FAF1: variants seen among roughly 807,000 people sequenced by gnomAD.
FAF1 encodes Fas associated factor 1, also known as FAS-associated factor 1.
In FAF1, 25 loss-of-function variants were observed where a neutral mutation model predicts 92.5. The observed-to-expected ratio is 0.27, with a 90% CI of 0.20 to 0.38. The LOEUF (loss-of-function observed/expected upper bound fraction) is 0.38. Among genes scored for constraint, FAF1 ranks in the 10% least tolerant of loss-of-function variants. The probability of loss-of-function intolerance (pLI) is 1.00; values close to 1 mark genes in which losing one functional copy is unlikely to be tolerated. For synonymous variants in FAF1, 234 were observed against 273.2 expected, an observed-to-expected ratio of 0.86 and a Z score of 1.42; for missense variants, 636 against 793.3, an observed-to-expected ratio of 0.80 and a Z score of 2.38.
intron 4 of FAF1, among the ~76,000 whole-genome samples, chr1:50,747,173 G>A (rs1659666414): frequency 6.6e-6 from 1 of 152,116 alleles, no homozygotes; most frequent in Non-Finnish European, 1.5e-5. Context: ...GTGAGAAGAA[G>A]GCCACCATCA....
At chr1:50,895,348 A>C (rs1644750084) in intron 1 of FAF1, among the ~76,000 whole-genome samples, 1 of 152,196 alleles carries the variant, frequency 6.6e-6, no homozygotes, top group African/African-American at 2.4e-5. Context: ...ACCAGTAACA[A>C]GTAACAAGAT....
rs376487435 is a variant in FAF1 at position 50,790,979 on chromosome 1, G to A, written c.162-2774C>T. On this transcript the variant is annotated intron_variant, in intron 3 of 18. Transcript: ENST00000396153. ...AAACTTTTTATTCTGTTACATAGATGTATATGTGTGTTTGGGACTCCAAGT... is the reference window on the plus strand; with the variant it reads ...AAACTTTTTATTCTGTTACATAGATATATATGTGTGTTTGGGACTCCAAGT... Among the ~76,000 whole-genome samples the A allele has an allele frequency of 2.0e-4, 30 of 152,190 alleles. No homozygotes were observed. The South Asian group carries it at 4.6e-3, about 23-fold the overall frequency.
At chr1:50,676,694 T>C (rs1262672732) in intron 7 of FAF1, among the ~76,000 whole-genome samples, 1 of 150,900 alleles carries the variant, frequency 6.6e-6, no homozygotes, top group Non-Finnish European at 1.5e-5. Context: ...TGGTGGCAGG[T>C]GCCTGTGATC....
At chr1:50,831,952 C>T (rs1169119550) in intron 2 of FAF1, among the ~76,000 whole-genome samples, 1 of 151,982 alleles carries the variant, frequency 6.6e-6, no homozygotes, top group Non-Finnish European at 1.5e-5. Context: ...AGAGCATGAA[C>T]CCTATTATGA....
chr1:50,899,869 C>T (rs909026362), intron 1 of FAF1, among the ~76,000 whole-genome samples: 1 of 152,128 alleles, frequency 6.6e-6, no homozygotes, highest in African/African-American at 2.4e-5. Context: ...GGCTATTTTC[C>T]CCCCTACTAC....
At chr1:50,887,463 C>G (rs1369279520) in intron 1 of FAF1, among the ~76,000 whole-genome samples, 1 of 152,154 alleles carries the variant, frequency 6.6e-6, no homozygotes, top group African/African-American at 2.4e-5. Flanking sequence ...TGCCTATAGC[C>G]TGAATGGTAT....
chr1:50,822,777 T>TA (rs1449366856), intron 2 of FAF1, among the ~76,000 whole-genome samples: 5 of 144,888 alleles, frequency 3.5e-5, no homozygotes, highest in Admixed American at 2.1e-4. Flanking sequence ...TTTCTTTCTT[T>TA]TTTTTTTTTT....
In FAF1 at chr1:50,818,730, C is replaced by T. The variant is rs541892022; in HGVS notation, c.115-17053G>A. Among the ~76,000 whole-genome samples the T allele has an allele frequency of 2.0e-5, 3 of 151,996 alleles. No homozygotes were observed. In the East Asian group the frequency reaches 5.8e-4, roughly 30 times the overall value. Reference sequence around the variant, plus strand: ...AGATTTTGGAATATGCGCAGACCCACAATAAGAAATCTTGGAGGCCAGGCG... The same window carrying T: ...AGATTTTGGAATATGCGCAGACCCATAATAAGAAATCTTGGAGGCCAGGCG... On this transcript the variant is annotated intron_variant, in intron 2 of 18. Coordinates refer to ENST00000396153, the MANE Select transcript of FAF1 (RefSeq NM_007051.3).
chr1:50,681,664 T>G (rs1656429925), intron 7 of FAF1, among the ~76,000 whole-genome samples: 1 of 150,678 alleles, frequency 6.6e-6, no homozygotes, highest in South Asian at 2.1e-4. Context: ...TGTGCCAGCC[T>G]GTAATCCCTA....
chr1:50,774,238 A>T (rs1660874439), intron 4 of FAF1, among the ~76,000 whole-genome samples: 1 of 152,132 alleles, frequency 6.6e-6, no homozygotes, highest in South Asian at 2.1e-4. Context: ...ATCTTTCAAG[A>T]CACACAAAAT....
At chr1:50,959,494 G>C (rs1645297783) in intron 1 of FAF1, among the ~76,000 whole-genome samples, 1 of 151,944 alleles carries the variant, frequency 6.6e-6, no homozygotes. Flanking sequence ...ATATAATACA[G>C]GAAACACTAC....
chr1:50,517,076 G>C (rs1304489190), intron 15 of FAF1, among the ~76,000 whole-genome samples: 1 of 152,024 alleles, frequency 6.6e-6, no homozygotes, highest in Non-Finnish European at 1.5e-5. Context: ...ACATTCATGT[G>C]CATGTAAGAG....
chr1:50,735,359 A>G (rs1659094527), intron 6 of FAF1, among the ~76,000 whole-genome samples: 1 of 152,332 alleles, frequency 6.6e-6, no homozygotes, highest in East Asian at 1.9e-4. Context: ...AATGCTTTTC[A>G]ACTGTTACAA....
At chr1:50,935,711 A>T (rs958321417) in intron 1 of FAF1, among the ~76,000 whole-genome samples, 4 of 152,010 alleles carry the variant, frequency 2.6e-5, no homozygotes, top group African/African-American at 9.7e-5. Context: ...ACCTCAAGGG[A>T]TCTTCCTGCC....
At chr1:50,694,449 T>C (rs1396639772) in intron 7 of FAF1, among the ~76,000 whole-genome samples, 2 of 151,696 alleles carry the variant, frequency 1.3e-5, no homozygotes. Flanking sequence ...ATCAGGAATC[T>C]TACTAATTAT....
At chr1:50,819,692 C>CATATATATATACATATATATACGT (rs1644016193) in intron 2 of FAF1, among the ~76,000 whole-genome samples, 2 of 45,616 alleles carry the variant, frequency 4.4e-5, no homozygotes, top group Admixed American at 3.1e-4. Flanking sequence ...TATATATATA[C>CATATATATATACATATATATACGT]ATATATATAT....
intron 1 of FAF1, among the ~76,000 whole-genome samples, chr1:50,924,887 G>A (rs1409083993): frequency 6.6e-6 from 1 of 152,156 alleles, no homozygotes; most frequent in Non-Finnish European, 1.5e-5. Flanking sequence ...GAAGGCTAAG[G>A]CAGGTGAATT....
chr1:50,524,212 T>C (rs1312192863), intron 15 of FAF1, among the ~76,000 whole-genome samples: 1 of 152,242 alleles, frequency 6.6e-6, no homozygotes, highest in Non-Finnish European at 1.5e-5. Context: ...AAAGTGTCTG[T>C]TCGTGCCCTT....
chr1:50,491,695 T>C (rs765697771), intron 16 of FAF1, 26 bp downstream of exon 16: 20 of 1,545,278 alleles, frequency 1.3e-5, no homozygotes, highest in African/African-American at 6.9e-5. Flanking sequence ...GAGTTCTTTA[T>C]CCCAGAAGTA....
Sources: allele counts gnomAD v4.1 joint callset (sites outside exome capture counted in the v4.1 genomes callset), GRCh38; gene constraint gnomAD v4.1.1; transcripts MANE v1.5; gene names NCBI Gene and HGNC (gene_info 2026-07-23, HGNC 2026-07-21).